The following PDS5B variants were observed in gnomAD, a reference collection of about 807,000 sequenced individuals.
PDS5B encodes PDS5 cohesin associated factor B, also known as sister chromatid cohesion protein PDS5 homolog B.
A neutral mutation model predicts 184.1 loss-of-function variants in PDS5B; 51 were observed. That is an observed-to-expected ratio of 0.28 (90% CI 0.22 to 0.35). The LOEUF (loss-of-function observed/expected upper bound fraction) is 0.35, where lower values mean the gene tolerates loss of function less well. PDS5B is among the 10% of genes least tolerant of loss of function. PDS5B has a pLI of 1.00. For missense variants in PDS5B, 1,180 were observed against 1,723.3 expected, an observed-to-expected ratio of 0.68 and a Z score of 5.58; for synonymous variants, 566 against 569.2, an observed-to-expected ratio of 0.99 and a Z score of 0.08.
At chr13:32,693,796 G>A (rs1026416939) in intron 13 of PDS5B, among the ~76,000 whole-genome samples, 1 of 151,372 alleles carries the variant, frequency 6.6e-6, no homozygotes, top group Non-Finnish European at 1.5e-5. Flanking sequence ...GAACATCAGA[G>A]TTTTTGACAT....
chr13:32,646,662 CTTT>C (rs1282161692), intron 1 of PDS5B, among the ~76,000 whole-genome samples: 1 of 151,414 alleles, frequency 6.6e-6, no homozygotes, highest in South Asian at 2.1e-4. Context: ...CATGTATCCA[CTTT>C]TTTCATTGTC....
At chr13:32,621,957 T>G (rs564572354) in intron 1 of PDS5B, among the ~76,000 whole-genome samples, 1 of 152,334 alleles carries the variant, frequency 6.6e-6, no homozygotes, top group African/African-American at 2.4e-5. Flanking sequence ...CTATCATTCT[T>G]TCAATATTTC....
intron 31 of PDS5B, among the ~76,000 whole-genome samples, chr13:32,767,997 A>T (rs1429366508): frequency 6.6e-6 from 1 of 152,212 alleles, no homozygotes; most frequent in Admixed American, 6.5e-5. Flanking sequence ...ACTACAAATC[A>T]TTGATTCTGA....
chr13:32,626,922 C>T (rs1356584382), intron 1 of PDS5B, among the ~76,000 whole-genome samples: 1 of 152,136 alleles, frequency 6.6e-6, no homozygotes, highest in East Asian at 1.9e-4. Flanking sequence ...GATGTGTGTG[C>T]CTGTTGGGCA....
At chr13:32,663,325 GCAA>G (rs1026009976) in intron 6 of PDS5B, among the ~76,000 whole-genome samples, 1 of 142,266 alleles carries the variant, frequency 7.0e-6, no homozygotes, top group Non-Finnish European at 1.5e-5. Context: ...TGCAAACCAA[GCAA>G]GAAAAAAAAA....
intron 21 of PDS5B, among the ~76,000 whole-genome samples, chr13:32,736,695 G>A (rs916944024): frequency 6.6e-5 from 10 of 151,852 alleles, no homozygotes; most frequent in Admixed American, 5.9e-4. Context: ...TTACATATAC[G>A]ATTTCTGTTT....
At chr13:32,628,062 A>G (rs1013489045) in intron 1 of PDS5B, among the ~76,000 whole-genome samples, 2 of 152,194 alleles carry the variant, frequency 1.3e-5, no homozygotes, top group Non-Finnish European at 2.9e-5. Context: ...AGGGAAAAAA[A>G]TGTTAATAGA....
intron 19 of PDS5B, among the ~76,000 whole-genome samples, chr13:32,729,697 G>A (rs1348814096): frequency 6.6e-6 from 1 of 152,182 alleles, no homozygotes; most frequent in South Asian, 2.1e-4. Flanking sequence ...CTAATGACCA[G>A]TGATGATGGG....
At chr13:32,619,921 C>G (rs1566252901) in intron 1 of PDS5B, among the ~76,000 whole-genome samples, 1 of 152,086 alleles carries the variant, frequency 6.6e-6, no homozygotes, top group Non-Finnish European at 1.5e-5. Context: ...GCTTCAGCCT[C>G]CCTCGTAGCT....
intron 21 of PDS5B, among the ~76,000 whole-genome samples, chr13:32,739,027 G>A (rs1338447889): frequency 6.6e-6 from 1 of 152,048 alleles, no homozygotes; most frequent in African/African-American, 2.4e-5. Flanking sequence ...TTCTTTGGTA[G>A]TTAATACTTT....
chr13:32,772,861 A>C (rs568513742), intron 33 of PDS5B, among the ~76,000 whole-genome samples: 1 of 152,306 alleles, frequency 6.6e-6, no homozygotes, highest in South Asian at 2.1e-4. Flanking sequence ...CAGGTACACT[A>C]TATTCAAAGC....
chr13:32,720,460 T>C (rs1952632157), intron 19 of PDS5B, among the ~76,000 whole-genome samples: 1 of 152,070 alleles, frequency 6.6e-6, no homozygotes, highest in African/African-American at 2.4e-5. Context: ...TAGTTCAGGG[T>C]TCAGTCAGAG....
intron 1 of PDS5B, among the ~76,000 whole-genome samples, chr13:32,611,639 C>T (rs2058144112): frequency 6.6e-6 from 1 of 151,346 alleles, no homozygotes; most frequent in African/African-American, 2.4e-5. Flanking sequence ...TCCTGAGTAG[C>T]TGGGACTACA....
At chr13:32,661,949 T>C (rs1411727827) in intron 6 of PDS5B, among the ~76,000 whole-genome samples, 3 of 152,164 alleles carry the variant, frequency 2.0e-5, no homozygotes, top group Non-Finnish European at 4.4e-5. Context: ...GTTTGAACTT[T>C]AAATGAACCA....
chr13:32,748,277 G>A (rs1365988893), intron 24 of PDS5B, among the ~76,000 whole-genome samples: 1 of 152,060 alleles, frequency 6.6e-6, no homozygotes, highest in Non-Finnish European at 1.5e-5. Flanking sequence ...TGTCTTCTCT[G>A]TTCATATTTT....
Position 32,688,557 on chromosome 13 carries a change from T to C in PDS5B, c.1457T>C (p.Leu486Ser). Residue 486 changes from leucine to serine, a missense_variant, in exon 13 of 35, where the codon TTA becomes TCA. Leu to Ser is a moderately radical substitution (Grantham distance 145). This residue lies in a region of PDS5B where 475 missense variants were observed against 691.5 expected (regional missense o/e 0.69). Transcript: ENST00000315596. ...TATTACTTGTATGCCACACTGGATT[T>C]AAATGCTGTGAAGTATGTTTCAAAT... is the stretch of plus-strand genomic sequence containing the variant. Reference protein sequence around the residue: ...CLYYLYATLDLNAVKALNEMW... With the variant: ...CLYYLYATLDSNAVKALNEMW... 6.4e-7 allele frequency: 1 copy of C among 1,556,646 alleles called. No homozygotes were observed. Among genetic ancestry groups the C allele is most frequent in the Non-Finnish European group, 8.9e-7 (1 of 1,127,952 alleles).
chr13:32,599,255 G>A (rs1241598480), intron 1 of PDS5B, among the ~76,000 whole-genome samples: 2 of 151,802 alleles, frequency 1.3e-5, no homozygotes, highest in Non-Finnish European at 2.9e-5. Flanking sequence ...AGTTTGCTGA[G>A]CTTATTTTTA....
chr13:32,632,105 T>C (rs777016617), intron 1 of PDS5B, among the ~76,000 whole-genome samples: 21 of 152,236 alleles, frequency 1.4e-4, no homozygotes, highest in Non-Finnish European at 2.8e-4. Context: ...TAAGCCTGTA[T>C]ACTTTTAGAA....
At chr13:32,627,445 T>A (rs2140558685) in intron 1 of PDS5B, among the ~76,000 whole-genome samples, 1 of 152,330 alleles carries the variant, frequency 6.6e-6, no homozygotes, top group East Asian at 1.9e-4. Flanking sequence ...AATGGTACTT[T>A]AAAAATATGT....
Sources: gnomAD v4.1 joint callset for allele counts (sites outside exome capture counted in the v4.1 genomes callset) on GRCh38, gnomAD v4.1.1 for gene constraint, gnomAD v4.1.1 regional missense constraint, MANE v1.5 for transcripts, NCBI Gene and HGNC (gene_info 2026-07-23, HGNC 2026-07-21) for gene names.